The following NECTIN1 variants were observed in gnomAD, a reference collection of about 807,000 sequenced individuals.
The protein encoded by NECTIN1 is nectin-1.
A neutral mutation model predicts 48.0 loss-of-function variants in NECTIN1; 23 were observed. The observed-to-expected ratio is 0.48, with a 90% confidence interval of 0.34 to 0.68. NECTIN1 has a LOEUF of 0.68. NECTIN1 is among the 30% of genes least tolerant of loss of function. NECTIN1 has a pLI of 0.01. For synonymous variants in NECTIN1, 270 were observed against 288.9 expected, an observed-to-expected ratio of 0.93 and a Z score of 0.66; for missense variants, 591 against 709.9, an observed-to-expected ratio of 0.83 and a Z score of 1.90.
chr11:119,704,903 G>A (rs1325505289), intron 1 of NECTIN1, among the ~76,000 whole-genome samples: 2 of 152,204 alleles, frequency 1.3e-5, no homozygotes, highest in African/African-American at 2.4e-5. Flanking sequence ...TTTGAGTCCT[G>A]GCCCTGCCAC....
Position 119,638,156 on chromosome 11 carries a change from AC to A in NECTIN1, c.1318del (p.Val440SerfsTer9). Reference sequence around the variant, plus strand: ...TACCGAGGGGTGGTAGGAGGGGGAGACCCCCAGATCATAGTAGGGGGGCTGC... The same window carrying A: ...TACCGAGGGGTGGTAGGAGGGGGAGACCCCAGATCATAGTAGGGGGGCTGC... On this transcript the variant is annotated frameshift_variant, in exon 8 of 8. Transcript: ENST00000341398. LOFTEE classifies it low-confidence loss of function (END_TRUNC). The A allele has an allele frequency of 1.2e-6, 2 of 1,613,270 alleles. No individual in the cohort carries two copies. The highest frequency in any genetic ancestry group is 1.7e-5 in the Admixed American group (1 of 59,964).
Position 119,684,380 on chromosome 11 carries a change from A to G in NECTIN1, c.80-5615T>C, listed in dbSNP as rs533249205. Among the ~76,000 whole-genome samples, 50 of 152,314 alleles carry G rather than the reference A, an allele frequency of 3.3e-4. No individual in the cohort carries two copies. The highest frequency in any genetic ancestry group is 1.2e-3 in the African/African-American group (49 of 41,580). ...GGAGTAAAGTGGCGGCACATTGCAG[A>G]GAGGGAGTGGGTCTGTGTGCACGTG... On this transcript the variant is annotated intron_variant, in intron 1 of 5. Transcript: ENST00000264025. This position sits in a 1 kb window ranked among gnomAD's most constrained non-coding sequence, Gnocchi z 5.2.
At chr11:119,651,432 G>T (rs769297315) in intron 5 of NECTIN1, among the ~76,000 whole-genome samples, 58 of 152,000 alleles carry the variant, frequency 3.8e-4, no homozygotes, top group Admixed American at 8.5e-4. Flanking sequence ...GTCTTTCTTG[G>T]GGGGGGTCTG....
intron 5 of NECTIN1, among the ~76,000 whole-genome samples, chr11:119,653,502 C>T (rs750495687): frequency 3.2e-4 from 49 of 152,194 alleles, no homozygotes; most frequent in Non-Finnish European, 1.5e-4. Flanking sequence ...TCCAGACCCG[C>T]GCCCCTCCAA....
chr11:119,652,361 C>A (rs1054475723), intron 5 of NECTIN1, among the ~76,000 whole-genome samples: 1 of 152,098 alleles, frequency 6.6e-6, no homozygotes, highest in Non-Finnish European at 1.5e-5. Context: ...ATCTCCTCCC[C>A]CTCCTCCTCT....
chr11:119,684,388 T>A lies in NECTIN1; in HGVS notation c.80-5623A>T, dbSNP rs1244477266. Reference sequence around the variant, plus strand: ...GTGGCGGCACATTGCAGAGAGGGAGTGGGTCTGTGTGCACGTGTGTGTCTG... The same window carrying A: ...GTGGCGGCACATTGCAGAGAGGGAGAGGGTCTGTGTGCACGTGTGTGTCTG... On this transcript the variant is annotated intron_variant, in intron 1 of 5. Coordinates refer to ENST00000264025, the MANE Select transcript of NECTIN1 (RefSeq NM_002855.5). The surrounding 1 kb of genome is among the most constrained non-coding windows in gnomAD (Gnocchi z 5.2). 6.6e-6 allele frequency among the ~76,000 whole-genome samples: 1 copy of A among 151,086 alleles called. No homozygotes were observed. Among genetic ancestry groups the A allele is most frequent in the Non-Finnish European group, 1.5e-5 (1 of 67,850 alleles).
chr11:119,704,907 C>T (rs913399911), intron 1 of NECTIN1, among the ~76,000 whole-genome samples: 1 of 152,236 alleles, frequency 6.6e-6, no homozygotes, highest in Admixed American at 6.5e-5. Flanking sequence ...AGTCCTGGCC[C>T]TGCCACTTAC....
intron 5 of NECTIN1, among the ~76,000 whole-genome samples, chr11:119,647,664 G>C (rs1482246049): frequency 6.6e-6 from 1 of 152,152 alleles, no homozygotes; most frequent in East Asian, 1.9e-4. Context: ...GCGGGGGGAA[G>C]CACCAAATCT....
intron 5 of NECTIN1, among the ~76,000 whole-genome samples, chr11:119,644,602 A>C (rs1864370806): frequency 6.6e-6 from 1 of 152,216 alleles, no homozygotes; most frequent in African/African-American, 2.4e-5. Context: ...CTAATGGAGG[A>C]GTCATACACG....
At chr11:119,697,984 G>A (rs1411635023) in intron 1 of NECTIN1, among the ~76,000 whole-genome samples, 1 of 152,240 alleles carries the variant, frequency 6.6e-6, no homozygotes, top group Non-Finnish European at 1.5e-5. Flanking sequence ...CAGGGACAGG[G>A]AAGGGGAAAA....
At chr11:119,680,024 G>C (rs1175962355) in intron 1 of NECTIN1, among the ~76,000 whole-genome samples, 1 of 152,198 alleles carries the variant, frequency 6.6e-6, no homozygotes, top group African/African-American at 2.4e-5. Context: ...TGTATCCCCA[G>C]TGCCCAGTGC....
At position 119,664,485 on chromosome 11, in the gene NECTIN1, C is replaced by A; in HGVS notation, c.*262G>T. 1 of 1,328,698 alleles carries A rather than the reference C, an allele frequency of 7.5e-7. No individual in the cohort carries two copies. The highest frequency in any genetic ancestry group is 9.6e-7 in the Non-Finnish European group (1 of 1,039,446). 82.3% of individuals were successfully genotyped at this position (1,328,698 alleles called of 1,614,324 possible). ...TACACAGAGGGCAGGCAGGTGGGGC[C>A]CGTAAAGGGAAGATACAGTAACACT... On this transcript the variant is annotated 3_prime_UTR_variant, in exon 6 of 6. Coordinates refer to ENST00000264025, the MANE Select transcript of NECTIN1 (RefSeq NM_002855.5).
At chr11:119,646,284 C>T (rs867530678) in intron 5 of NECTIN1, among the ~76,000 whole-genome samples, 2 of 152,220 alleles carry the variant, frequency 1.3e-5, no homozygotes, top group African/African-American at 2.4e-5. Context: ...CTCCCTTGCC[C>T]GACTTCCAGT....
intron 1 of NECTIN1, among the ~76,000 whole-genome samples, chr11:119,685,110 C>G (rs1438901195): frequency 6.6e-6 from 1 of 152,248 alleles, no homozygotes; most frequent in African/African-American, 2.4e-5. Context: ...TGCTGTTAGT[C>G]TGGCATCTCT....
At chr11:119,713,128 C>G in intron 1 of NECTIN1, 1 of 152,280 alleles carries the variant, frequency 6.6e-6, no homozygotes, top group East Asian at 1.9e-4. Context: ...TCCAAGCAGC[C>G]TGTGGGGGAG....
At chr11:119,698,079 C>A (rs139744652) in intron 1 of NECTIN1, among the ~76,000 whole-genome samples, 1 of 152,248 alleles carries the variant, frequency 6.6e-6, no homozygotes, top group South Asian at 2.1e-4. Flanking sequence ...GGGGACCACA[C>A]CTGCCCAGGC....
At chr11:119,710,860 G>A (rs1011603242) in intron 1 of NECTIN1, among the ~76,000 whole-genome samples, 44 of 152,136 alleles carry the variant, frequency 2.9e-4, no homozygotes, top group Middle Eastern at 3.4e-3. Flanking sequence ...ATCACACAGC[G>A]CCCGCCTGTC....
At position 119,663,342 on chromosome 11, in the gene NECTIN1, A is replaced by G; in HGVS notation, c.*1405T>C. On this transcript the variant is annotated 3_prime_UTR_variant, in exon 6 of 6. Coordinates refer to ENST00000264025, the MANE Select transcript of NECTIN1 (RefSeq NM_002855.5). ...GTCTTCCTCCATTATATACATGGGA[A>G]GACCCAGTCTGGGGTGGCTGATAGG... is the stretch of plus-strand genomic sequence containing the variant. The G allele has an allele frequency of 1.0e-6, 1 of 985,444 alleles. No homozygotes were observed. Among genetic ancestry groups the G allele is most frequent in the African/African-American group, 1.7e-5 (1 of 57,358 alleles). The allele number at this position is 985,444 out of a possible 1,614,324, so 61.0% of individuals were successfully genotyped here. A position where few individuals can be genotyped will look rare whatever the true frequency, so the allele number is the denominator to read the frequency against.
intron 1 of NECTIN1, among the ~76,000 whole-genome samples, chr11:119,717,635 C>T (rs1396729875): frequency 3.3e-5 from 5 of 152,230 alleles, no homozygotes; most frequent in African/African-American, 9.6e-5. Context: ...TCCCTGCCTC[C>T]GCTCCAATTT....
Sources: gnomAD v4.1 joint callset for allele counts (sites outside exome capture counted in the v4.1 genomes callset) on GRCh38, gnomAD v4.1.1 for gene constraint, Gnocchi (gnomAD v3.1) non-coding constraint, MANE v1.5 for transcripts, NCBI Gene and HGNC (gene_info 2026-07-23, HGNC 2026-07-21) for gene names.